ALOXE3: variants seen among roughly 807,000 people sequenced by gnomAD.
ALOXE3 encodes arachidonate epidermal lipoxygenase 3.
A neutral mutation model predicts 87.5 loss-of-function variants in ALOXE3; 78 were observed. The observed-to-expected ratio is 0.89, with a 90% CI of 0.74 to 1.08. The LOEUF (loss-of-function observed/expected upper bound fraction) is 1.08. ALOXE3 is among the 50% of genes least tolerant of loss of function. The pLI is 0.00. For synonymous variants in ALOXE3, 363 were observed against 370.8 expected (o/e 0.98, Z 0.24); for missense variants, 946 against 912.4 (o/e 1.04, Z -0.47).
intron 15 of ALOXE3, among the ~76,000 whole-genome samples, 164 bp downstream of exon 15, chr17:8,103,159 T>C (rs935637949): frequency 1.3e-5 from 2 of 152,240 alleles, no homozygotes; most frequent in Non-Finnish European, 2.9e-5. Context: ...CTTCAGTCTA[T>C]GTCTTTTGGG....
At chr17:8,114,696 C>A (rs1980428553) in intron 5 of ALOXE3, 87 bp from the exon 6 acceptor site, 1 of 1,588,208 alleles carries the variant, frequency 6.3e-7, no homozygotes, top group East Asian at 2.2e-5. Flanking sequence ...TCCTGCCTTC[C>A]AAGTCCCTGG....
At chr17:8,100,411 C>G (rs1263416919) in intron 15 of ALOXE3, among the ~76,000 whole-genome samples, 1 of 152,154 alleles carries the variant, frequency 6.6e-6, no homozygotes, top group East Asian at 1.9e-4. Flanking sequence ...ACAGCCCAGT[C>G]ACCAGCTGAT....
intron 3 of ALOXE3, 38 bp downstream of exon 3, chr17:8,116,738 C>T: frequency 1.9e-6 from 3 of 1,603,612 alleles, no homozygotes; most frequent in Middle Eastern, 1.7e-4. Flanking sequence ...CCAAAGGACA[C>T]CTTCTGCAGT....
intron 13 of ALOXE3, among the ~76,000 whole-genome samples, chr17:8,108,185 A>G (rs1249137747): frequency 1.3e-5 from 2 of 152,146 alleles, no homozygotes; most frequent in Non-Finnish European, 2.9e-5. Context: ...CAGAATATTG[A>G]CAGAGCTCAG....
chr17:8,113,593 C>T (rs1980293650), intron 6 of ALOXE3, among the ~76,000 whole-genome samples: 1 of 152,054 alleles, frequency 6.6e-6, no homozygotes, highest in Non-Finnish European at 1.5e-5. Flanking sequence ...GTGGAGACTG[C>T]AGTGAGCCAA....
chr17:8,112,047 A>C, intron 7 of ALOXE3, 46 bp downstream of exon 7: 1 of 1,532,236 alleles, frequency 6.5e-7, no homozygotes, highest in Non-Finnish European at 9.0e-7. Context: ...GGGTCTGAGC[A>C]TGAGATAAGG....
intron 6 of ALOXE3, among the ~76,000 whole-genome samples, chr17:8,114,009 G>A (rs1185109137): frequency 6.7e-6 from 1 of 148,910 alleles, no homozygotes; most frequent in East Asian, 1.9e-4. Flanking sequence ...TGGGCGACAG[G>A]AGTGAAACTC....
chr17:8,118,382 G>C (rs1280698254), intron 1 of ALOXE3, 79 bp from the exon 2 acceptor site: 2 of 1,551,244 alleles, frequency 1.3e-6, no homozygotes, highest in Non-Finnish European at 1.7e-6. Flanking sequence ...CCTCCGCCTG[G>C]TCAGCGGCCC....
chr17:8,110,387 G>A lies in ALOXE3; in HGVS notation c.1099C>T (p.Gln367Ter). ...CGGGGCGGCGGCGCCGGGCTCACCTGGATGGCCAAGGGCACCAGCGCCCCC... is the reference window on the plus strand; with the variant it reads ...CGGGGCGGCGGCGCCGGGCTCACCTAGATGGCCAAGGGCACCAGCGCCCCC... The part of the protein sequence containing the change: ...PQGALVPLAI[Q>*]LSQTPGPDSP... Residue 367 changes from glutamine to a stop codon, truncating the protein, a stop_gained and splice_region_variant, in exon 9 of 16, where the codon CAG (glutamine) becomes TAG (stop). Transcript: ENST00000448843. LOFTEE classifies it high-confidence loss of function. The A allele has an allele frequency of 6.2e-7, 1 of 1,606,754 alleles. No homozygotes were observed. Among genetic ancestry groups the A allele is most frequent in the Non-Finnish European group, 8.5e-7 (1 of 1,175,684 alleles).
chr17:8,109,849 TGGGGGCGGGTAGCGGGGCAAAGCGTCTTC>T, intron 11 of ALOXE3, 38 bp downstream of exon 11: 1 of 1,465,534 alleles, frequency 6.8e-7, no homozygotes, highest in Non-Finnish European at 9.2e-7. Context: ...GAACAGGGCT[TGGGGGCGGGTAGCGGGGCAAAGCGTCTTC>T]GGGGGCGGAG....
intron 11 of ALOXE3, 45 bp from the exon 12 acceptor site, chr17:8,109,388 A>G: frequency 6.2e-7 from 1 of 1,603,812 alleles, no homozygotes; most frequent in Non-Finnish European, 8.5e-7. Flanking sequence ...CCCAATCCCC[A>G]CCCTAGTGTC....
chr17:8,113,118 A>G (rs1980246214), intron 6 of ALOXE3, among the ~76,000 whole-genome samples: 1 of 152,214 alleles, frequency 6.6e-6, no homozygotes, highest in African/African-American at 2.4e-5. Context: ...TCTTCTAGGC[A>G]CAGCTCAGAA....
Position 8,114,938 on chromosome 17 carries a change from C to G in ALOXE3, c.554G>C (p.Ser185Thr), listed in dbSNP as rs762574611. 7 of 1,614,144 alleles carry G rather than the reference C, an allele frequency of 4.3e-6. No individual in the cohort carries two copies. In the South Asian group the frequency reaches 7.7e-5, roughly 18 times the overall value. The change falls in exon 5 of 16, where the codon AGC (serine) becomes ACC (threonine). Residue 185 changes from serine (S) to threonine (T), a missense_variant and splice_region_variant. By Grantham distance (58) the Ser-to-Thr change is moderately conservative. Coordinates refer to ENST00000448843, the MANE Select transcript of ALOXE3 (RefSeq NM_021628.3). ...KTTTCVDQGD[S>T]SGNRYLPGFP... ...CTCCTTCCCAAGCTTTAATCTTCACCTGTCACCCTGGTCTACACAAGTTGT... is the reference window on the plus strand; with the variant it reads ...CTCCTTCCCAAGCTTTAATCTTCACGTGTCACCCTGGTCTACACAAGTTGT...
At chr17:8,097,404 T>C (rs548224091) in intron 15 of ALOXE3, among the ~76,000 whole-genome samples, 1 of 151,958 alleles carries the variant, frequency 6.6e-6, no homozygotes, top group Non-Finnish European at 1.5e-5. Flanking sequence ...CCAGGAAATA[T>C]ACCCAAGAAT....
At chr17:8,111,229 C>T in intron 8 of ALOXE3, 130 bp downstream of exon 8, 1 of 1,168,570 alleles carries the variant, frequency 8.6e-7, no homozygotes, top group Non-Finnish European at 1.2e-6. Flanking sequence ...ACCATGGCTG[C>T]CCAGAGGATG....
Position 8,114,280 on chromosome 17 carries a change from AG to A in ALOXE3, c.680+203del, listed in dbSNP as rs56108138. Among the ~76,000 whole-genome samples, 9,829 of 97,086 alleles carry A rather than the reference AG, an allele frequency of 0.1. 486 individuals carry two copies. Among genetic ancestry groups the A allele is most frequent in the Middle Eastern group, 0.2 (32 of 158 alleles). 63.7% of individuals were successfully genotyped at this position (97,086 alleles called of 152,430 possible). A position where few individuals can be genotyped will look rare whatever the true frequency, so the allele number is the denominator to read the frequency against. ...AGGGAGAGGGGAACTGGGGAGCACA[AG>A]GGGGAGACAAGGGCAGGAAGGGGGC... On this transcript the variant is annotated intron_variant, in intron 6 of 15. Transcript: ENST00000448843.
At chr17:8,098,958 T>A (rs545586369) in intron 15 of ALOXE3, among the ~76,000 whole-genome samples, 1 of 151,794 alleles carries the variant, frequency 6.6e-6, no homozygotes, top group Admixed American at 6.6e-5. Flanking sequence ...TTAAGCAATC[T>A]TCCCACCTCA....
chr17:8,105,089 G>A (rs1034679381), intron 13 of ALOXE3, among the ~76,000 whole-genome samples: 4 of 152,156 alleles, frequency 2.6e-5, no homozygotes, highest in African/African-American at 7.2e-5. Context: ...ACAAATGCCC[G>A]TCAGATTACG....
Position 8,111,445 on chromosome 17 carries a change from A to G in ALOXE3, c.871T>C (p.Ser291Pro), listed in dbSNP as rs374022735. Residue 291 changes from serine to proline, a missense_variant, in exon 8 of 16, where the codon TCT becomes CCT. Transcript: ENST00000448843. ...ACAGGCAGCTTGCTGGGCAAGCTAG[A>G]GATGCAGTGGAGCATGACGGGATTG... is the stretch of plus-strand genomic sequence containing the variant. ...GVNPVMLHCI[S>P]SLPSKLPVTN... 1.9e-6 allele frequency: 3 copies of G among 1,614,088 alleles called. No individual in the cohort carries two copies. The African/African-American group carries it at 4.0e-5, about 22-fold the overall frequency.
Sources: gnomAD v4.1 joint callset for allele counts (sites outside exome capture counted in the v4.1 genomes callset) on GRCh38, gnomAD v4.1.1 for gene constraint, MANE v1.5 for transcripts, NCBI Gene and HGNC (gene_info 2026-07-23, HGNC 2026-07-21) for gene names.